SLC10A7: variants seen among roughly 807,000 people sequenced by gnomAD.
The protein encoded by SLC10A7 is solute carrier family 10 member 7.
Under a neutral mutation model 43.2 loss-of-function variants are expected in SLC10A7, and 29 were observed. The observed-to-expected ratio is 0.67, with a 90% CI of 0.50 to 0.92. The LOEUF is 0.92. Ranked by LOEUF, SLC10A7 falls within the 40% of genes least tolerant of loss-of-function variation. The probability of loss-of-function intolerance (pLI) is 0.00; values close to 1 mark genes in which losing one functional copy is unlikely to be tolerated. For missense variants in SLC10A7, 295 were observed against 403.2 expected (o/e 0.73, Z 2.30); for synonymous variants, 152 against 144.8 (o/e 1.05, Z -0.35).
At chr4:146,504,264 A>C (rs1407283013) in intron 3 of SLC10A7, among the ~76,000 whole-genome samples, 1 of 152,114 alleles carries the variant, frequency 6.6e-6, no homozygotes, top group Non-Finnish European at 1.5e-5. Context: ...TCACGCCTGT[A>C]ATCCCAGCAC....
intron 10 of SLC10A7, among the ~76,000 whole-genome samples, chr4:146,281,920 A>G (rs1729582338): frequency 6.6e-6 from 1 of 152,178 alleles, no homozygotes; most frequent in Admixed American, 6.5e-5. Context: ...ATTATTGCAC[A>G]CATCTTGTCA....
chr4:146,371,001 G>T (rs910423168), intron 5 of SLC10A7, among the ~76,000 whole-genome samples: 1 of 152,174 alleles, frequency 6.6e-6, no homozygotes, highest in Admixed American at 6.5e-5. Flanking sequence ...GTTTATGGAA[G>T]AACCTCAGAA....
At chr4:146,475,127 G>A (rs1274702290) in intron 4 of SLC10A7, among the ~76,000 whole-genome samples, 8 of 151,978 alleles carry the variant, frequency 5.3e-5, no homozygotes, top group South Asian at 2.1e-4. Flanking sequence ...GAAATTACAC[G>A]TTAAAATAGA....
intron 5 of SLC10A7, among the ~76,000 whole-genome samples, chr4:146,369,364 G>A (rs1247052541): frequency 1.3e-5 from 2 of 152,194 alleles, no homozygotes; most frequent in African/African-American, 4.8e-5. Context: ...CTGGCATTTA[G>A]TAAACACTCA....
At chr4:146,497,629 G>A (rs1736010906) in intron 4 of SLC10A7, among the ~76,000 whole-genome samples, 1 of 152,100 alleles carries the variant, frequency 6.6e-6, no homozygotes, top group African/African-American at 2.4e-5. Context: ...AAGCAATATT[G>A]AGATAAAAGA....
chr4:146,400,896 C>A (rs1739182357), intron 5 of SLC10A7, among the ~76,000 whole-genome samples: 1 of 152,014 alleles, frequency 6.6e-6, no homozygotes, highest in African/African-American at 2.4e-5. Context: ...TCTGCATGCA[C>A]TAAAAATTGC....
At chr4:146,341,519 C>T (rs1234736009) in intron 5 of SLC10A7, among the ~76,000 whole-genome samples, 1 of 151,730 alleles carries the variant, frequency 6.6e-6, no homozygotes, top group Non-Finnish European at 1.5e-5. Flanking sequence ...TATGTTTATA[C>T]ATAAATAGGA....
intron 4 of SLC10A7, among the ~76,000 whole-genome samples, chr4:146,450,497 C>T (rs1731488302): frequency 6.6e-6 from 1 of 152,098 alleles, no homozygotes; most frequent in Non-Finnish European, 1.5e-5. Flanking sequence ...TAGTCAAAGC[C>T]AGAGTAGTAA....
chr4:146,323,055 T>C (rs935933970), intron 6 of SLC10A7, among the ~76,000 whole-genome samples: 1 of 152,224 alleles, frequency 6.6e-6, no homozygotes, highest in African/African-American at 2.4e-5. Context: ...CTTTGCCCAC[T>C]TGTTGATGGG....
intron 10 of SLC10A7, among the ~76,000 whole-genome samples, chr4:146,264,513 T>G (rs1028469234): frequency 6.6e-6 from 1 of 152,216 alleles, no homozygotes; most frequent in Non-Finnish European, 1.5e-5. Context: ...GGGCCTCTGC[T>G]ATATGTGAGT....
chr4:146,280,312 A>G (rs930010921), intron 10 of SLC10A7, among the ~76,000 whole-genome samples: 10 of 152,172 alleles, frequency 6.6e-5, no homozygotes, highest in African/African-American at 2.4e-4. Flanking sequence ...GCAGTGAGAG[A>G]AAATATAACT....
intron 5 of SLC10A7, among the ~76,000 whole-genome samples, chr4:146,433,642 G>A (rs1453342358): frequency 6.6e-6 from 1 of 152,080 alleles, no homozygotes; most frequent in Non-Finnish European, 1.5e-5. Flanking sequence ...GAGGTGGGAG[G>A]ATCGCTTGAG....
intron 5 of SLC10A7, among the ~76,000 whole-genome samples, chr4:146,354,304 T>A (rs1049157599): frequency 6.6e-6 from 1 of 151,892 alleles, no homozygotes. Context: ...TCAAACAGAA[T>A]AAAATAACTA....
intron 10 of SLC10A7, among the ~76,000 whole-genome samples, chr4:146,268,634 C>T (rs569547317): frequency 6.6e-6 from 1 of 152,304 alleles, no homozygotes; most frequent in South Asian, 2.1e-4. Context: ...CAAGCATCAG[C>T]TCAACCACTC....
At chr4:146,298,583 G>T (rs1257459466) in intron 7 of SLC10A7, among the ~76,000 whole-genome samples, 1 of 152,050 alleles carries the variant, frequency 6.6e-6, no homozygotes, top group Non-Finnish European at 1.5e-5. Flanking sequence ...AATATTCAAG[G>T]TGATGGAAAA....
chr4:146,266,566 G>A (rs547633324), intron 10 of SLC10A7, among the ~76,000 whole-genome samples: 1 of 152,288 alleles, frequency 6.6e-6, no homozygotes, highest in Admixed American at 6.5e-5. Context: ...ACATTTTTTA[G>A]AGTATGAAAT....
At chr4:146,419,805 T>A (rs1409197694) in intron 5 of SLC10A7, among the ~76,000 whole-genome samples, 2 of 151,860 alleles carry the variant, frequency 1.3e-5, no homozygotes, top group Non-Finnish European at 1.5e-5. Flanking sequence ...CACTGCACTC[T>A]AGCCTGGGTA....
At chr4:146,441,138 C>A (rs1422350611) in intron 5 of SLC10A7, among the ~76,000 whole-genome samples, 1 of 151,748 alleles carries the variant, frequency 6.6e-6, no homozygotes, top group East Asian at 1.9e-4. Context: ...TCAATAAATA[C>A]TTTTGATCAA....
intron 10 of SLC10A7, among the ~76,000 whole-genome samples, chr4:146,266,889 A>G (rs1728592345): frequency 6.6e-6 from 1 of 152,140 alleles, no homozygotes; most frequent in Non-Finnish European, 1.5e-5. Flanking sequence ...CAGTTTTTGG[A>G]TTTTTTAAAA....
Sources: gnomAD v4.1 joint callset for allele counts (sites outside exome capture counted in the v4.1 genomes callset) on GRCh38, gnomAD v4.1.1 for gene constraint, MANE v1.5 for transcripts, NCBI Gene and HGNC (gene_info 2026-07-23, HGNC 2026-07-21) for gene names.